Variants in SLC17A9 observed in about 807,000 individuals in gnomAD.
SLC17A9 encodes the protein solute carrier family 17 member 9, also known as voltage-gated purine nucleotide uniporter SLC17A9.
Under a neutral mutation model 55.0 loss-of-function variants are expected in SLC17A9, and 49 were observed. The ratio of observed to expected loss-of-function variants is 0.89; its 90% CI spans 0.71 to 1.13. SLC17A9 has a LOEUF of 1.13. SLC17A9 is among the 50% of genes most tolerant of loss of function. The pLI, the probability that SLC17A9 is intolerant of heterozygous loss-of-function variation, is 0.00. For missense variants in SLC17A9, 526 were observed against 569.3 expected, an observed-to-expected ratio of 0.92 and a Z score of 0.77; for synonymous variants, 256 against 247.4, an observed-to-expected ratio of 1.03 and a Z score of -0.32.
rs140011930 is a variant in SLC17A9 at position 62,957,817 on chromosome 20, G to GTGTA, written c.397+238_397+239insGTAT. Among the ~76,000 whole-genome samples the GTGTA allele has an allele frequency of 6.5e-3, 751 of 116,054 alleles. 45 individuals carry two copies. Among genetic ancestry groups the GTGTA allele is most frequent in the Non-Finnish European group, 8.7e-3 (464 of 53,322 alleles). The allele number at this position is 116,054 out of a possible 152,430, so 76.1% of individuals were successfully genotyped here. A position where few individuals can be genotyped will look rare whatever the true frequency, so the allele number is the denominator to read the frequency against. ...TGTGTGTGCGTGTGCAAGTGTGTGT[G>GTGTA]TATGGGCATGCCCGCGTGCATGCGT... On this transcript the variant is annotated intron_variant, in intron 3 of 12. Transcript: ENST00000370351.
In SLC17A9 at chr20:62,957,515, C is replaced by G; in HGVS notation, c.332C>G (p.Ala111Gly). The change falls in exon 3 of 13, where the codon GCC (alanine) becomes GGC (glycine). Residue 111 changes from alanine to glycine, a missense_variant. Transcript: ENST00000370351. ...ATCACGGCCGTCACCCCACTGCTCG[C>G]CCACCTGAGCAGTGCCCACCTGGCC... is the stretch of plus-strand genomic sequence containing the variant. Reference protein sequence around the residue: ...GSITAVTPLLAHLSSAHLAFM... With the variant: ...GSITAVTPLLGHLSSAHLAFM... The G allele has an allele frequency of 6.2e-7, 1 of 1,609,898 alleles. No homozygotes were observed. Among genetic ancestry groups the G allele is most frequent in the South Asian group, 1.1e-5 (1 of 90,620 alleles).
intron 4 of SLC17A9, among the ~76,000 whole-genome samples, chr20:62,961,545 GA>G (rs753754139): frequency 3.9e-5 from 6 of 152,210 alleles, no homozygotes; most frequent in Non-Finnish European, 7.3e-5. Flanking sequence ...ATTGGTGCAG[GA>G]GCTGACCGGG....
rs1850522088 is a variant in SLC17A9 at position 62,968,784 on chromosome 20, TC to T, written c.*1286del. ...GCAGAGCCAGGCTGGGTTTCGGGGT[TC>T]CTTTGCCGCCAGGGGTCCTGCGTGT... is the stretch of plus-strand genomic sequence containing the variant. On this transcript the variant is annotated 3_prime_UTR_variant, in exon 13 of 13. Coordinates refer to ENST00000370351, the MANE Select transcript of SLC17A9 (RefSeq NM_022082.4). 1 of 152,212 alleles carries T rather than the reference TC, an allele frequency of 6.6e-6. No individual in the cohort carries two copies. The highest frequency in any genetic ancestry group is 1.5e-5 in the Non-Finnish European group (1 of 68,060). 9.4% of individuals were successfully genotyped at this position (152,212 alleles called of 1,614,324 possible).
At chr20:62,963,249 A>G in intron 5 of SLC17A9, 24 bp from the exon 6 acceptor site, 1 of 1,610,858 alleles carries the variant, frequency 6.2e-7, no homozygotes, top group South Asian at 1.1e-5. Flanking sequence ...GATAGCCATC[A>G]GTTTGAAACC....
chr20:62,966,852 C>G, intron 12 of SLC17A9, 120 bp downstream of exon 12: 1 of 1,294,466 alleles, frequency 7.7e-7, no homozygotes, highest in Non-Finnish European at 1.1e-6. Context: ...GAGGAGGGCA[C>G]AGACCCCAGA....
chr20:62,966,622 C>A, intron 11 of SLC17A9, 42 bp downstream of exon 11: 1 of 1,613,842 alleles, frequency 6.2e-7, no homozygotes, highest in Non-Finnish European at 8.5e-7. Flanking sequence ...CTCCCTGGGC[C>A]TCCGGGTGGG....
At position 62,963,999 on chromosome 20, in the gene SLC17A9, A is replaced by G. The variant is rs2065612909; in HGVS notation, c.823-229A>G. 6.6e-6 allele frequency: 4 copies of G among 607,764 alleles called. No individual in the cohort carries two copies. The Admixed American group carries it at 8.8e-5, about 13-fold the overall frequency. 37.6% of individuals were successfully genotyped at this position (607,764 alleles called of 1,614,324 possible). A position where few individuals can be genotyped will look rare whatever the true frequency, so the allele number is the denominator to read the frequency against. ...TGAGGAGGCCGGTGCAGAAGCCGGG[A>G]TGTGGACAGAGGGGTCACCTGCGGT... On this transcript the variant is annotated intron_variant, in intron 7 of 12. Transcript: ENST00000370351.
chr20:62,952,842 C>G lies in SLC17A9; in HGVS notation c.12C>G (p.Pro4=). The change falls in exon 1 of 13, where the codon CCC becomes CCG. Residue 4 remains proline, a synonymous_variant. Transcript: ENST00000370351. ...GCACCCCAAGCCCGATGCAGCCACC[C>G]CCAGACGAGGCCCGCAGGGACATGG... is the stretch of plus-strand genomic sequence containing the variant. MQP[P]PDEARRDMAG... The G allele has an allele frequency of 6.5e-7, 1 of 1,532,786 alleles. No homozygotes were observed. Among genetic ancestry groups the G allele is most frequent in the Non-Finnish European group, 8.7e-7 (1 of 1,144,214 alleles). 94.9% of individuals were successfully genotyped at this position (1,532,786 alleles called of 1,614,324 possible).
Position 62,961,795 on chromosome 20 carries a change from G to T in SLC17A9, c.498-829G>T, listed in dbSNP as rs113884015. The stretch of plus-strand genomic sequence containing the variant: ...ACCCGGTTTCATTGAGTGTCTTGCG[G>T]TTTTTCTGCACCCAGGTGGGGAGCA... On this transcript the variant is annotated intron_variant, in intron 4 of 12. Transcript: ENST00000370351. Among the ~76,000 whole-genome samples, 1,227 of 152,318 alleles carry T rather than the reference G, an allele frequency of 8.1e-3. 13 individuals are homozygous for T. Among genetic ancestry groups the T allele is most frequent in the African/African-American group, 0.027 (1,135 of 41,564 alleles).
intron 8 of SLC17A9, 175 bp from the exon 9 acceptor site, chr20:62,964,957 C>A (rs2065621846): frequency 3.0e-6 from 2 of 668,606 alleles, no homozygotes; most frequent in South Asian, 3.8e-5. Context: ...GGCCTCGCGG[C>A]TGCACCCCAC....
rs573084635 is a variant in SLC17A9, at chr20:62,967,336, G to T, written c.1148-1G>T. 1 of 1,613,932 alleles carries T rather than the reference G, an allele frequency of 6.2e-7. No homozygotes were observed. Among genetic ancestry groups the T allele is most frequent in the Admixed American group, 1.7e-5 (1 of 60,008 alleles). Reference sequence around the variant, plus strand: ...AGCCCGCCTGGCCCTCTCTTGGGCAGGTGTCGTGGGTGTGTGTCTAGGCGG... The same window carrying T: ...AGCCCGCCTGGCCCTCTCTTGGGCATGTGTCGTGGGTGTGTGTCTAGGCGG... On this transcript the variant is annotated splice_acceptor_variant, in intron 12 of 12. Transcript: ENST00000370351. LOFTEE classifies it high-confidence loss of function.
chr20:62,960,982 C>T (rs1441758917), intron 4 of SLC17A9, among the ~76,000 whole-genome samples: 1 of 152,212 alleles, frequency 6.6e-6, no homozygotes, highest in Non-Finnish European at 1.5e-5. Context: ...GCAGGAGCGT[C>T]TGGGCCAGGG....
Position 62,965,683 on chromosome 20 carries a change from T to G in SLC17A9, c.1019T>G (p.Val340Gly). Reference protein sequence around the residue: ...GHTSSFCESVVFASASIGLQT... With the variant: ...GHTSSFCESVGFASASIGLQT... ...ACCTCCAGCTTCTGTGAGTCTGTGG[T>G]CTTTGCATCAGCCTCCATCGGCCTC... The change falls in exon 10 of 13, where the codon GTC becomes GGC. Residue 340 changes from valine to glycine, a missense_variant. Transcript: ENST00000370351. 6.2e-7 allele frequency: 1 copy of G among 1,613,912 alleles called. No homozygotes were observed. Among genetic ancestry groups the G allele is most frequent in the Non-Finnish European group, 8.5e-7 (1 of 1,180,012 alleles).
Position 62,962,839 on chromosome 20 carries a change from A to G in SLC17A9, c.628+85A>G, listed in dbSNP as rs2065600793. 5 of 1,557,764 alleles carry G rather than the reference A, an allele frequency of 3.2e-6. No individual in the cohort carries two copies. The East Asian group carries it at 1.1e-4, about 35-fold the overall frequency. On this transcript the variant is annotated intron_variant, in intron 5 of 12. Coordinates refer to ENST00000370351, the MANE Select transcript of SLC17A9 (RefSeq NM_022082.4). This position sits in a 1 kb window ranked among gnomAD's most constrained non-coding sequence, Gnocchi z 5.5. The stretch of plus-strand genomic sequence containing the variant: ...TGGTGGCAGCCGCTGAGCAGCCTGG[A>G]GCAGGAGCCCGGAGACGATGGCTTT...
rs897785544 is a variant in SLC17A9 at position 62,958,110 on chromosome 20, T to C, written c.397+530T>C. Among the ~76,000 whole-genome samples the C allele has an allele frequency of 2.0e-5, 3 of 152,168 alleles. No individual in the cohort carries two copies. Among genetic ancestry groups the C allele is most frequent in the African/African-American group, 7.2e-5 (3 of 41,436 alleles). On this transcript the variant is annotated intron_variant, in intron 3 of 12. Transcript: ENST00000370351. This position sits in a 1 kb window ranked among gnomAD's most constrained non-coding sequence, Gnocchi z 4.1. ...GTGCGTTCCTGTATCCATGTGTATG[T>C]GCGTATGCGTGCCCATATGCGTGTG...
intron 1 of SLC17A9, chr20:62,953,090 C>T (rs2065504920): frequency 3.8e-6 from 5 of 1,320,024 alleles, no homozygotes; most frequent in Non-Finnish European, 4.2e-6. Flanking sequence ...CATGAGATTC[C>T]AGGACCGGAC....
Position 62,956,846 on chromosome 20 carries a change from C to T in SLC17A9, c.141C>T (p.Cys47=), listed in dbSNP as rs771991183. 6 of 1,613,464 alleles carry T rather than the reference C, an allele frequency of 3.7e-6. No individual in the cohort carries two copies. In the South Asian group the frequency reaches 6.6e-5, roughly 18 times the overall value. The change falls in exon 2 of 13, where the codon TGC becomes TGT. Residue 47 remains cysteine, a synonymous_variant. Coordinates refer to ENST00000370351, the MANE Select transcript of SLC17A9 (RefSeq NM_022082.4). Reference sequence around the variant, plus strand: ...GCGCCCGCTCCAGCATGCCCATCTGCACCGTCTCCATGAGCCAGGACTTCG... The same window carrying T: ...GCGCCCGCTCCAGCATGCCCATCTGTACCGTCTCCATGAGCCAGGACTTCG... ...LYCARSSMPI[C]TVSMSQDFGW...
At chr20:62,964,373 G>A (rs947988084) in intron 8 of SLC17A9, 58 bp downstream of exon 8, 10 of 1,554,936 alleles carry the variant, frequency 6.4e-6, no homozygotes, top group African/African-American at 2.7e-5. Context: ...CCTCGCTTTC[G>A]AGGGGCAGGA....
chr20:62,966,913 T>C (rs2065646005), intron 12 of SLC17A9, 181 bp downstream of exon 12: 3 of 725,150 alleles, frequency 4.1e-6, no homozygotes, highest in Admixed American at 3.3e-5. Flanking sequence ...CACTGGACTT[T>C]GCTGACGGCA....
Sources: gnomAD v4.1 joint callset for allele counts (sites outside exome capture counted in the v4.1 genomes callset) on GRCh38, gnomAD v4.1.1 for gene constraint, Gnocchi (gnomAD v3.1) non-coding constraint, MANE v1.5 for transcripts, NCBI Gene and HGNC (gene_info 2026-07-23, HGNC 2026-07-21) for gene names.